Variants in PCNT observed in about 807,000 individuals in gnomAD.
The protein encoded by PCNT is kendrin.
A neutral mutation model predicts 380.4 loss-of-function variants in PCNT; 319 were observed. The observed-to-expected ratio is 0.84, with a 90% CI of 0.77 to 0.92. The LOEUF is 0.92. Ranked by LOEUF, PCNT falls within the 40% of genes least tolerant of loss-of-function variation. PCNT has a pLI of 0.00. For missense variants in PCNT, 4,400 were observed against 4,255.3 expected, an observed-to-expected ratio of 1.03 and a Z score of -0.95; for synonymous variants, 1,845 against 1,735.2, an observed-to-expected ratio of 1.06 and a Z score of -1.57.
intron 42 of PCNT, among the ~76,000 whole-genome samples, chr21:46,440,507 C>A (rs987647414): frequency 2.6e-5 from 4 of 152,234 alleles, no homozygotes. Flanking sequence ...GGCCCAAGAT[C>A]TGCTGCAGTC....
Position 46,383,777 on chromosome 21 carries a change from C to T in PCNT, c.3312+1937C>T, listed in dbSNP as rs538504571. 1.1e-4 allele frequency among the ~76,000 whole-genome samples: 14 copies of T among 127,112 alleles called. No individual in the cohort carries two copies. In the East Asian group the frequency reaches 2.6e-3, roughly 24 times the overall value. 83.4% of individuals were successfully genotyped at this position (127,112 alleles called of 152,430 possible). A position where few individuals can be genotyped will look rare whatever the true frequency, so the allele number is the denominator to read the frequency against. ...GCATTCAGCAGCGGAAGCGCATTCA[C>T]GGTGTTGTGCGTTCAGTGGCAGAAG... On this transcript the variant is annotated intron_variant, in intron 16 of 46. Transcript: ENST00000359568.
rs780126629 is a variant in PCNT, at chr21:46,385,957, C to G, written c.3438C>G (p.Ala1146=). The change falls in exon 17 of 47, where the codon GCC becomes GCG. Residue 1146 remains alanine (A), a synonymous_variant. Transcript: ENST00000359568. The part of the protein sequence containing the change: ...EGANLLSMLK[A]DVNLSHSERG... ...CAAACCTCCTCTCCATGCTCAAGGCCGACGTCAACCTGTCCCACAGCGAAA... is the reference window on the plus strand; with the variant it reads ...CAAACCTCCTCTCCATGCTCAAGGCGGACGTCAACCTGTCCCACAGCGAAA... The G allele has an allele frequency of 2.0e-5, 32 of 1,614,046 alleles. No individual in the cohort carries two copies. Among genetic ancestry groups the G allele is most frequent in the Non-Finnish European group, 2.7e-5 (32 of 1,180,030 alleles).
chr21:46,364,813 G>A (rs2084842404), intron 14 of PCNT, among the ~76,000 whole-genome samples: 1 of 152,182 alleles, frequency 6.6e-6, no homozygotes, highest in East Asian at 1.9e-4. Context: ...CGTTCAGGTC[G>A]CTGGGGCTGC....
chr21:46,371,435 G>T (rs957617884), intron 15 of PCNT, among the ~76,000 whole-genome samples: 1 of 152,018 alleles, frequency 6.6e-6, no homozygotes, highest in African/African-American at 2.4e-5. Flanking sequence ...TGATCCTCCC[G>T]CCTTGGCCTC....
At chr21:46,385,770 T>G (rs1283402224) in intron 16 of PCNT, 62 bp from the exon 17 acceptor site, 1 of 1,561,124 alleles carries the variant, frequency 6.4e-7, no homozygotes, top group African/African-American at 1.4e-5. Context: ...TGAAAGTCCC[T>G]TACAGCCATT....
At position 46,397,143 on chromosome 21, in the gene PCNT, C is replaced by T. The variant is rs557000362; in HGVS notation, c.4217-122C>T. The T allele has an allele frequency of 1.8e-3, 1,438 of 796,998 alleles. 3 individuals are homozygous for T. The highest frequency in any genetic ancestry group is 2.8e-3 in the Non-Finnish European group (1,278 of 462,082). The allele number at this position is 796,998 out of a possible 1,614,324, so 49.4% of individuals were successfully genotyped here. On this transcript the variant is annotated intron_variant, in intron 21 of 46. Coordinates refer to ENST00000359568, the MANE Select transcript of PCNT (RefSeq NM_006031.6). ...GTTTTAAAAGATGGGCGTTTTACCC[C>T]GAATTGAAGTGACTTCATTTTCGGT...
intron 3 of PCNT, among the ~76,000 whole-genome samples, chr21:46,340,060 A>G (rs1231399251): frequency 6.6e-6 from 1 of 152,140 alleles, no homozygotes; most frequent in Non-Finnish European, 1.5e-5. Flanking sequence ...GGTTTAATGG[A>G]CTCACAGTTC....
intron 21 of PCNT, among the ~76,000 whole-genome samples, chr21:46,396,478 G>A (rs2086214819): frequency 6.6e-6 from 1 of 152,266 alleles, no homozygotes; most frequent in Admixed American, 6.5e-5. Context: ...AAACTGCTGT[G>A]AGGGTGGAGC....
chr21:46,329,953 C>A (rs1376590769), intron 2 of PCNT, among the ~76,000 whole-genome samples: 1 of 152,166 alleles, frequency 6.6e-6, no homozygotes, highest in Admixed American at 6.6e-5. Context: ...TGCACAGTTA[C>A]AGCTTGACAT....
intron 7 of PCNT, 116 bp downstream of exon 7, chr21:46,349,302 C>G: frequency 1.1e-6 from 1 of 910,548 alleles, no homozygotes; most frequent in South Asian, 1.3e-5. Flanking sequence ...CTTCTAAATG[C>G]TGGATGGCCC....
At chr21:46,360,818 A>G (rs777486011) in intron 13 of PCNT, among the ~76,000 whole-genome samples, 3 of 151,988 alleles carry the variant, frequency 2.0e-5, no homozygotes, top group Non-Finnish European at 2.9e-5. Flanking sequence ...ACGCCTGGCC[A>G]TAGTTGGCAA....
chr21:46,376,737 C>T (rs1009306608), intron 15 of PCNT, among the ~76,000 whole-genome samples: 1 of 152,212 alleles, frequency 6.6e-6, no homozygotes, highest in African/African-American at 2.4e-5. Flanking sequence ...CGGATCAATG[C>T]GTCTGTCCCC....
intron 33 of PCNT, among the ~76,000 whole-genome samples, chr21:46,426,375 C>T (rs2087506218): frequency 6.6e-6 from 1 of 152,156 alleles, no homozygotes; most frequent in Non-Finnish European, 1.5e-5. Flanking sequence ...GGTCCAAGAA[C>T]CCTGGGGAGG....
chr21:46,435,278 T>C (rs2087919822), intron 38 of PCNT, among the ~76,000 whole-genome samples: 1 of 152,048 alleles, frequency 6.6e-6, no homozygotes, highest in Admixed American at 6.6e-5. Context: ...CAGGCTGGAG[T>C]GCAGTGGCGC....
At chr21:46,365,153 G>A (rs1026540451) in intron 14 of PCNT, among the ~76,000 whole-genome samples, 3 of 152,110 alleles carry the variant, frequency 2.0e-5, no homozygotes, top group Admixed American at 2.0e-4. Context: ...CTGCCATGGG[G>A]GTTCTATTCA....
At chr21:46,371,994 C>T (rs537708681) in intron 15 of PCNT, among the ~76,000 whole-genome samples, 29 of 150,142 alleles carry the variant, frequency 1.9e-4, no homozygotes, top group South Asian at 4.2e-4. Flanking sequence ...GCAGCACATG[C>T]ACACACACAC....
chr21:46,403,407 G>A (rs556327461), intron 27 of PCNT, among the ~76,000 whole-genome samples: 10 of 139,240 alleles, frequency 7.2e-5, no homozygotes, highest in African/African-American at 1.9e-4. Context: ...CCCACGCGGC[G>A]CGTGATTGGT....
intron 16 of PCNT, among the ~76,000 whole-genome samples, chr21:46,383,477 T>C (rs1468560031): frequency 2.1e-5 from 3 of 141,634 alleles, no homozygotes; most frequent in Non-Finnish European, 3.1e-5. Context: ...GCATTCACAG[T>C]GTTGTATATT....
intron 15 of PCNT, among the ~76,000 whole-genome samples, chr21:46,379,920 C>T (rs2085456369): frequency 6.6e-6 from 1 of 152,210 alleles, no homozygotes; most frequent in African/African-American, 2.4e-5. Context: ...GGCCCAGGAC[C>T]TCTTGGGCCT....
Sources: gnomAD v4.1 joint callset for allele counts (sites outside exome capture counted in the v4.1 genomes callset) on GRCh38, gnomAD v4.1.1 for gene constraint, MANE v1.5 for transcripts, NCBI Gene and HGNC (gene_info 2026-07-23, HGNC 2026-07-21) for gene names.